Variants in POF1B observed in about 807,000 individuals in gnomAD.
POF1B encodes POF1B actin binding protein.
Under a neutral mutation model 55.3 loss-of-function variants are expected in POF1B, and 53 were observed. The ratio of observed to expected loss-of-function variants is 0.96; its 90% CI spans 0.77 to 1.20. POF1B has a LOEUF of 1.20. POF1B is among the 50% of genes most tolerant of loss of function. The probability of loss-of-function intolerance (pLI) is 0.00; values close to 1 mark genes in which losing one functional copy is unlikely to be tolerated. For synonymous variants in POF1B, 188 were observed against 148.3 expected (o/e 1.27, Z -1.95); for missense variants, 478 against 420.5 (o/e 1.14, Z -1.20).
intron 7 of POF1B, among the ~76,000 whole-genome samples, chrX:85,330,683 G>A (rs1442748594): frequency 9.0e-6 from 1 of 111,229 alleles, no homozygotes; most frequent in East Asian, 2.8e-4. Context: ...TGGGGGGAGG[G>A]AGGAGGGATA....
chrX:85,342,110 G>A (rs534578250), intron 6 of POF1B, among the ~76,000 whole-genome samples: 4 of 111,509 alleles, frequency 3.6e-5, no homozygotes, highest in African/African-American at 1.3e-4. Flanking sequence ...CCTTGCTAAT[G>A]ACAGGAAAAT....
intron 5 of POF1B, among the ~76,000 whole-genome samples, chrX:85,346,442 AAAATAATATAGTG>A (rs2147935096): frequency 9.0e-6 from 1 of 110,581 alleles, no homozygotes; most frequent in East Asian, 2.8e-4. Flanking sequence ...TTAAAATTAA[AAAATAATATAGTG>A]ATTTTCAATG....
At chrX:85,322,510 T>A (rs2147918351) in intron 7 of POF1B, among the ~76,000 whole-genome samples, 1 of 111,580 alleles carries the variant, frequency 9.0e-6, no homozygotes, top group Non-Finnish European at 1.9e-5. Flanking sequence ...AACCTAGGCA[T>A]TACCATTCAG....
chrX:85,355,118 C>A (rs998606067), intron 4 of POF1B, among the ~76,000 whole-genome samples: 1 of 111,173 alleles, frequency 9.0e-6, no homozygotes, highest in Non-Finnish European at 1.9e-5. Flanking sequence ...AGAGATAGAC[C>A]AATGGAACAG....
At chrX:85,329,545 A>G (rs774075864) in intron 7 of POF1B, among the ~76,000 whole-genome samples, 2 of 110,790 alleles carry the variant, frequency 1.8e-5, no homozygotes, top group East Asian at 2.9e-4. Flanking sequence ...ACTATGCACC[A>G]AGGACATCAG....
chrX:85,311,922 G>C (rs1444168319), intron 9 of POF1B, among the ~76,000 whole-genome samples: 2 of 112,168 alleles, frequency 1.8e-5, no homozygotes, highest in Non-Finnish European at 3.8e-5. Context: ...TTTCTCTAAT[G>C]ACCAGTGATG....
intron 7 of POF1B, among the ~76,000 whole-genome samples, chrX:85,328,920 A>T (rs1481572276): frequency 1.8e-5 from 2 of 111,025 alleles, no homozygotes; most frequent in Non-Finnish European, 3.8e-5. Context: ...AAGGGTACTT[A>T]AGACTATGTC....
Position 85,354,806 on chromosome X carries a change from G to C in POF1B, c.439-3355C>G, listed in dbSNP as rs746016218. On this transcript the variant is annotated intron_variant, in intron 4 of 16. Coordinates refer to ENST00000262753, the MANE Select transcript of POF1B (RefSeq NM_024921.4). ...CAAACCACTGCTCAACGAAATAAAA[G>C]AGGACACAAACAAATGGAAGAACAG... Among the ~76,000 whole-genome samples the C allele has an allele frequency of 1.9e-3, 210 of 111,289 alleles. 1 individual carries two copies. In the South Asian group the frequency reaches 0.027, roughly 14 times the overall value.
intron 7 of POF1B, among the ~76,000 whole-genome samples, chrX:85,323,991 G>T (rs1369614638): frequency 2.7e-5 from 3 of 112,075 alleles, no homozygotes; most frequent in Non-Finnish European, 5.6e-5. Flanking sequence ...TCATTCAGGA[G>T]CAGGTTGTTT....
At chrX:85,373,651 C>T (rs73515604) in intron 2 of POF1B, among the ~76,000 whole-genome samples, 5,572 of 111,375 alleles carry the variant, frequency 0.05, 298 homozygotes, top group African/African-American at 0.16. Context: ...TGGTTATAAT[C>T]ATGTAGGGCA....
chrX:85,279,383 A>G lies in POF1B; in HGVS notation c.*38T>C, dbSNP rs1423942210. 1 of 1,166,362 alleles carries G rather than the reference A, an allele frequency of 8.6e-7. No individual in the cohort carries two copies. Among genetic ancestry groups the G allele is most frequent in the Non-Finnish European group, 1.2e-6 (1 of 861,550 alleles). ...ATGCAGAGACACACACACAAAAAAA[A>G]AACGGCTTTGAGTTGTAATACTTTA... On this transcript the variant is annotated 3_prime_UTR_variant, in exon 17 of 17. Transcript: ENST00000262753.
chrX:85,360,579 T>C (rs1933598621), intron 3 of POF1B, among the ~76,000 whole-genome samples: 1 of 89,313 alleles, frequency 1.1e-5, no homozygotes. Flanking sequence ...ACATTTTCTT[T>C]ATCCAATCTG....
chrX:85,306,273 G>A lies in POF1B; in HGVS notation c.1225C>T (p.Arg409Ter), dbSNP rs781742296. 7 of 1,205,853 alleles carry A rather than the reference G, an allele frequency of 5.8e-6. No homozygotes were observed. The highest frequency in any genetic ancestry group is 7.8e-6 in the Non-Finnish European group (7 of 892,038). Residue 409 changes from arginine to a stop codon, truncating the protein, a stop_gained, in exon 12 of 17, where the codon CGA becomes TGA. Coordinates refer to ENST00000262753, the MANE Select transcript of POF1B (RefSeq NM_024921.4). LOFTEE classifies it high-confidence loss of function. ...QALEENNLSL[R>*]HTLSDMEYRL... is the part of the protein sequence containing the mutation. The stretch of plus-strand genomic sequence containing the variant: ...TATTCCATGTCTGATAGTGTATGTC[G>A]AAGAGAGAGATTGTTTTCTTCCAAT...
Position 85,308,031 on chromosome X carries a change from T to C in POF1B, c.1050+93A>G, listed in dbSNP as rs776204560. The C allele has an allele frequency of 5.2e-5, 25 of 478,748 alleles. No individual in the cohort carries two copies. The East Asian group carries it at 9.9e-4, about 19-fold the overall frequency. 39.5% of individuals were successfully genotyped at this position (478,748 alleles called of 1,213,427 possible). On this transcript the variant is annotated intron_variant, in intron 10 of 16. Coordinates refer to ENST00000262753, the MANE Select transcript of POF1B (RefSeq NM_024921.4). ...TGAATAAGCATAATATTGTGCTATATTAAATTTTAAAAACATATACTGGAC... is the reference window on the plus strand; with the variant it reads ...TGAATAAGCATAATATTGTGCTATACTAAATTTTAAAAACATATACTGGAC...
intron 2 of POF1B, among the ~76,000 whole-genome samples, chrX:85,374,367 G>T (rs983340326): frequency 4.5e-5 from 5 of 111,271 alleles, no homozygotes; most frequent in African/African-American, 1.6e-4. Flanking sequence ...TTTTCCTGTT[G>T]ATAGCTGTGG....
At chrX:85,355,867 T>G (rs1485423900) in intron 4 of POF1B, among the ~76,000 whole-genome samples, 1 of 111,589 alleles carries the variant, frequency 9.0e-6, no homozygotes, top group African/African-American at 3.3e-5. Context: ...GGTGGGACTG[T>G]AAACTAGTTC....
At position 85,327,085 on chromosome X, in the gene POF1B, C is replaced by T. The variant is rs563376344; in HGVS notation, c.854+3864G>A. ...GCTCCCACACCAACCCTCTGGGCTC[C>T]GCACTGACTGGAGTTCTGCCCCTAC... is the stretch of plus-strand genomic sequence containing the variant. On this transcript the variant is annotated intron_variant, in intron 7 of 16. Transcript: ENST00000262753. Among the ~76,000 whole-genome samples, 11 of 110,704 alleles carry T rather than the reference C, an allele frequency of 9.9e-5. No homozygotes were observed. In the South Asian group the frequency reaches 1.2e-3, roughly 12 times the overall value.
chrX:85,350,211 G>A (rs1332706179), intron 5 of POF1B, among the ~76,000 whole-genome samples: 1 of 104,278 alleles, frequency 9.6e-6, no homozygotes, highest in Non-Finnish European at 2.0e-5. Context: ...AGTCCCCAGA[G>A]TGTGATGTTC....
chrX:85,342,784 T>C (rs1933196345), intron 6 of POF1B, among the ~76,000 whole-genome samples: 1 of 111,471 alleles, frequency 9.0e-6, no homozygotes, highest in Non-Finnish European at 1.9e-5. Context: ...TCTTTAAAGA[T>C]ACTCTTCTAC....
Sources: allele counts gnomAD v4.1 joint callset (sites outside exome capture counted in the v4.1 genomes callset), GRCh38; gene constraint gnomAD v4.1.1; transcripts MANE v1.5; gene names NCBI Gene and HGNC (gene_info 2026-07-23, HGNC 2026-07-21).